URB2: variants seen among roughly 807,000 people sequenced by gnomAD.
URB2 encodes the protein unhealthy ribosome biogenesis protein 2 homolog.
Under a neutral mutation model 120.9 loss-of-function variants are expected in URB2, and 86 were observed. The observed-to-expected ratio is 0.71, with a 90% confidence interval of 0.60 to 0.85. The LOEUF is 0.85. URB2 is among the 40% of genes least tolerant of loss of function. The probability of loss-of-function intolerance (pLI) is 0.00; values close to 1 mark genes in which losing one functional copy is unlikely to be tolerated. For synonymous variants in URB2, 755 were observed against 758.4 expected (o/e 1.00, Z 0.07); for missense variants, 1,765 against 1,836.5 (o/e 0.96, Z 0.71).
chr1:229,637,924 T>G lies in URB2; in HGVS notation c.3311T>G (p.Val1104Gly). Residue 1104 changes from valine to glycine, a missense_variant, in exon 4 of 10, where the codon GTG becomes GGG. Physicochemically the swap from Val to Gly is moderately radical, Grantham distance 109 (BLOSUM62 -3). Coordinates refer to ENST00000258243, the MANE Select transcript of URB2 (RefSeq NM_014777.4). ...GGAGCTGTGCTGCAGCTCTGCTCAG[T>G]GCCGGGGGCCCGGGGCTGGCGCCTT... ...QTGAVLQLCSVPGARGWRLPS... is the reference protein window; with the variant it reads ...QTGAVLQLCSGPGARGWRLPS... 6.2e-7 allele frequency: 1 copy of G among 1,612,346 alleles called. No homozygotes were observed. Among genetic ancestry groups the G allele is most frequent in the South Asian group, 1.1e-5 (1 of 90,734 alleles).
Position 229,635,861 on chromosome 1 carries a change from A to C in URB2, c.1248A>C (p.Ile416=). The change falls in exon 4 of 10, where the codon ATA becomes ATC. Residue 416 remains isoleucine (I), a synonymous_variant. Transcript: ENST00000258243. ...PAWFRCLKTL[I]SLNHLILEPD... is the part of the protein sequence containing the mutation. ...GGTTCCGCTGTCTGAAGACTTTGAT[A>C]TCTCTGAATCATTTGATTTTGGAGC... 13 of 1,614,164 alleles carry C rather than the reference A, an allele frequency of 8.1e-6. No homozygotes were observed. The highest frequency in any genetic ancestry group is 1.1e-5 in the Non-Finnish European group (13 of 1,179,998).
rs1303597382 is a variant in URB2 at position 229,637,537 on chromosome 1, T to C, written c.2924T>C (p.Leu975Pro). ...MYGSDIFEVV[L>P]TSLFRASSRF... ...GGTAGTGATATTTTTGAGGTTGTAC[T>C]GACCTCATTGTTCAGAGCTAGTAGT... The change falls in exon 4 of 10, where the codon CTG becomes CCG. Residue 975 changes from leucine (L) to proline (P), a missense_variant. Leu to Pro is a moderately conservative substitution (Grantham distance 98). Coordinates refer to ENST00000258243, the MANE Select transcript of URB2 (RefSeq NM_014777.4). 6.2e-7 allele frequency: 1 copy of C among 1,614,132 alleles called. No individual in the cohort carries two copies. Among genetic ancestry groups the C allele is most frequent in the Non-Finnish European group, 8.5e-7 (1 of 1,180,056 alleles).
chr1:229,656,775 C>G (rs943371651), intron 9 of URB2, among the ~76,000 whole-genome samples: 3 of 152,180 alleles, frequency 2.0e-5, no homozygotes, highest in Non-Finnish European at 1.5e-5. Flanking sequence ...CTTCTTTCCT[C>G]CAAGCAGTAA....
rs752595052 is a variant in URB2, at chr1:229,637,541, C to G, written c.2928C>G (p.Thr976=). Residue 976 remains threonine, a synonymous_variant, in exon 4 of 10, where the codon ACC becomes ACG. Transcript: ENST00000258243. ...YGSDIFEVVL[T]SLFRASSRFL... Reference sequence around the variant, plus strand: ...GTGATATTTTTGAGGTTGTACTGACCTCATTGTTCAGAGCTAGTAGTAGGT... The same window carrying G: ...GTGATATTTTTGAGGTTGTACTGACGTCATTGTTCAGAGCTAGTAGTAGGT... The G allele has an allele frequency of 6.2e-7, 1 of 1,614,184 alleles. No homozygotes were observed. The highest frequency in any genetic ancestry group is 1.7e-5 in the Admixed American group (1 of 60,024).
At chr1:229,638,953 T>C (rs373788495) in intron 4 of URB2, among the ~76,000 whole-genome samples, 16 of 152,300 alleles carry the variant, frequency 1.1e-4, no homozygotes, top group East Asian at 9.6e-4. Flanking sequence ...TAGTAGGTTC[T>C]TATGTATCAG....
intron 9 of URB2, among the ~76,000 whole-genome samples, chr1:229,656,759 G>A (rs774782021): frequency 1.5e-4 from 23 of 152,162 alleles, no homozygotes; most frequent in African/African-American, 4.1e-4. Flanking sequence ...CCAGAGGCCC[G>A]CTTGTCTTCT....
chr1:229,654,250 A>G lies in URB2; in HGVS notation c.4239A>G (p.Gly1413=), dbSNP rs761325183. The stretch of plus-strand genomic sequence containing the variant: ...TGGGAAACACTTTGTTGTCTGTAGG[A>G]AGCATAGATGACCTGCCTACGGTCC... ...VMREGRQKDK[G]SIDDLPTVLK... The change falls in exon 9 of 10, where the codon GGA becomes GGG. Residue 1413 remains glycine, a splice_region_variant and synonymous_variant. Transcript: ENST00000258243. 6.2e-7 allele frequency: 1 copy of G among 1,613,782 alleles called. No homozygotes were observed. The highest frequency in any genetic ancestry group is 1.1e-5 in the South Asian group (1 of 91,032).
Position 229,637,379 on chromosome 1 carries a change from G to A in URB2, c.2766G>A (p.Leu922=), listed in dbSNP as rs1044082805. 8 of 1,614,052 alleles carry A rather than the reference G, an allele frequency of 5.0e-6. No homozygotes were observed. The highest frequency in any genetic ancestry group is 6.8e-6 in the Non-Finnish European group (8 of 1,180,050). ...PYHVHYFLVL[L]SMAVTKLGCS... is the part of the protein sequence containing the mutation. ...ATGTGCATTATTTTCTTGTGTTACT[G>A]TCCATGGCCGTCACCAAACTAGGAT... Residue 922 remains leucine, a synonymous_variant, in exon 4 of 10, where the codon CTG becomes CTA. Coordinates refer to ENST00000258243, the MANE Select transcript of URB2 (RefSeq NM_014777.4).
At chr1:229,633,202 A>T (rs1571867838) in intron 3 of URB2, among the ~76,000 whole-genome samples, 1 of 149,724 alleles carries the variant, frequency 6.7e-6, no homozygotes, top group South Asian at 2.1e-4. Context: ...AACGGAGGGG[A>T]ACGAAGGTTG....
chr1:229,635,199 G>C lies in URB2; in HGVS notation c.586G>C (p.Asp196His). Reference sequence around the variant, plus strand: ...GGTCAACCCAAGACGTGCCTTTGGGGATGTGACTGCTCACCTGCTCCAGCC... The same window carrying C: ...GGTCAACCCAAGACGTGCCTTTGGGCATGTGACTGCTCACCTGCTCCAGCC... ...QQVNPRRAFG[D>H]VTAHLLQPCL... The change falls in exon 4 of 10, where the codon GAT (aspartate) becomes CAT (histidine). Residue 196 changes from aspartate (D) to histidine (H), a missense_variant. Transcript: ENST00000258243. 1 of 1,614,222 alleles carries C rather than the reference G, an allele frequency of 6.2e-7. No individual in the cohort carries two copies. Among genetic ancestry groups the C allele is most frequent in the Non-Finnish European group, 8.5e-7 (1 of 1,180,036 alleles).
Position 229,635,112 on chromosome 1 carries a change from G to A in URB2, c.499G>A (p.Ala167Thr), listed in dbSNP as rs747470407. 32 of 1,613,966 alleles carry A rather than the reference G, an allele frequency of 2.0e-5. No individual in the cohort carries two copies. The highest frequency in any genetic ancestry group is 2.7e-5 in the African/African-American group (2 of 74,930). Residue 167 changes from alanine to threonine, a missense_variant, in exon 4 of 10, where the codon GCC becomes ACC. Ala to Thr is a moderately conservative substitution (Grantham distance 58, BLOSUM62 0). Transcript: ENST00000258243. Reference sequence around the variant, plus strand: ...CAGGCAGCCCGAAGGAGCTGTGGTAGCCCAGTTGTTTGAGGTCATTCACCT... The same window carrying A: ...CAGGCAGCCCGAAGGAGCTGTGGTAACCCAGTTGTTTGAGGTCATTCACCT... The part of the protein sequence containing the change: ...ACRQPEGAVV[A>T]QLFEVIHLAL...
intron 3 of URB2, among the ~76,000 whole-genome samples, chr1:229,633,164 G>T (rs555910112): frequency 1.3e-5 from 2 of 152,296 alleles, no homozygotes; most frequent in South Asian, 4.1e-4. Flanking sequence ...TGAGTGTGCG[G>T]GCTGAGAGAA....
At chr1:229,627,313 C>G (rs2102775532) in intron 1 of URB2, among the ~76,000 whole-genome samples, 1 of 152,248 alleles carries the variant, frequency 6.6e-6, no homozygotes, top group Admixed American at 6.5e-5. Context: ...TGATTTTGGC[C>G]TTGTTGAATT....
chr1:229,648,452 G>A (rs190757177), intron 7 of URB2, among the ~76,000 whole-genome samples: 1 of 152,282 alleles, frequency 6.6e-6, no homozygotes, highest in Non-Finnish European at 1.5e-5. Flanking sequence ...AATTCAAATG[G>A]ATATAGGGAA....
Position 229,636,551 on chromosome 1 carries a change from G to A in URB2, c.1938G>A (p.Ser646=), listed in dbSNP as rs780183588. ...CTCTGGAGATCTCGAACCTCCCTTCGTTGCTCCCAGGTGTAAAAACACAGC... is the reference window on the plus strand; with the variant it reads ...CTCTGGAGATCTCGAACCTCCCTTCATTGCTCCCAGGTGTAAAAACACAGC... The part of the protein sequence containing the change: ...GVALEISNLP[S]LLPGVKTQHW... The change falls in exon 4 of 10, where the codon TCG becomes TCA. Residue 646 remains serine, a synonymous_variant. Transcript: ENST00000258243. 29 of 1,614,014 alleles carry A rather than the reference G, an allele frequency of 1.8e-5. No homozygotes were observed. The highest frequency in any genetic ancestry group is 1.6e-4 in the Middle Eastern group (1 of 6,082).
At chr1:229,627,091 T>C (rs1033030313) in intron 1 of URB2, among the ~76,000 whole-genome samples, 1 of 152,240 alleles carries the variant, frequency 6.6e-6, no homozygotes, top group Non-Finnish European at 1.5e-5. Flanking sequence ...TTGTAGAGTC[T>C]TTTTTGAAGT....
intron 4 of URB2, 137 bp from the exon 5 acceptor site, chr1:229,643,396 C>A: frequency 1.1e-6 from 1 of 934,984 alleles, no homozygotes; most frequent in South Asian, 1.5e-5. Flanking sequence ...GCTTTTTCCA[C>A]CAGTGCTTAT....
chr1:229,644,453 A>G (rs1335742076), intron 5 of URB2, among the ~76,000 whole-genome samples: 2 of 152,122 alleles, frequency 1.3e-5, no homozygotes, highest in Non-Finnish European at 2.9e-5. Context: ...AGGAAGTGAA[A>G]CTCCAGCTGT....
Position 229,637,389 on chromosome 1 carries a change from G to A in URB2, c.2776G>A (p.Val926Ile), listed in dbSNP as rs751178377. Residue 926 changes from valine to isoleucine, a missense_variant, in exon 4 of 10, where the codon GTC becomes ATC. By Grantham distance (29) the Val-to-Ile change is conservative (BLOSUM62 3). Transcript: ENST00000258243. ...TTTTCTTGTGTTACTGTCCATGGCCGTCACCAAACTAGGATGCTCTTGCTC... is the reference window on the plus strand; with the variant it reads ...TTTTCTTGTGTTACTGTCCATGGCCATCACCAAACTAGGATGCTCTTGCTC... ...HYFLVLLSMA[V>I]TKLGCSCSSS... 17 of 1,614,052 alleles carry A rather than the reference G, an allele frequency of 1.1e-5. No homozygotes were observed. Among genetic ancestry groups the A allele is most frequent in the South Asian group, 5.5e-5 (5 of 91,088 alleles).
Sources: allele counts gnomAD v4.1 joint callset (sites outside exome capture counted in the v4.1 genomes callset), GRCh38; gene constraint gnomAD v4.1.1; transcripts MANE v1.5; gene names NCBI Gene and HGNC (gene_info 2026-07-23, HGNC 2026-07-21).